Variants in PLXNA1 observed in about 807,000 individuals in gnomAD.
PLXNA1 encodes plexin-A1.
Under a neutral mutation model 191.7 loss-of-function variants are expected in PLXNA1, and 77 were observed. That is an observed-to-expected ratio of 0.40 (90% confidence interval 0.33 to 0.49). The LOEUF (loss-of-function observed/expected upper bound fraction) is 0.49, where lower values mean the gene tolerates loss of function less well. Among genes scored for constraint, PLXNA1 ranks in the 20% least tolerant of loss-of-function variants. The pLI, the probability that PLXNA1 is intolerant of heterozygous loss-of-function variation, is 0.63. For synonymous variants in PLXNA1, 1,137 were observed against 1,156.4 expected, an observed-to-expected ratio of 0.98 and a Z score of 0.34; for missense variants, 2,110 against 2,660.2, an observed-to-expected ratio of 0.79 and a Z score of 4.55.
intron 10 of PLXNA1, 106 bp downstream of exon 10, chr3:127,012,264 G>T (rs111936438): frequency 1.7e-6 from 2 of 1,154,554 alleles, no homozygotes; most frequent in Non-Finnish European, 2.5e-6. Flanking sequence ...CAGTGCACGT[G>T]CTCACGTGTA....
chr3:127,009,983 A>G (rs901773157), intron 9 of PLXNA1, among the ~76,000 whole-genome samples: 3 of 152,094 alleles, frequency 2.0e-5, no homozygotes, highest in Non-Finnish European at 2.9e-5. Context: ...TCTTCACATA[A>G]CAGTTGCATG....
At chr3:126,983,343 G>A (rs1274228677) in intron 1 of PLXNA1, among the ~76,000 whole-genome samples, 56 bp downstream of exon 1, 5 of 144,828 alleles carry the variant, frequency 3.5e-5, no homozygotes, top group African/African-American at 9.9e-5. Flanking sequence ...GGGCCGGGCC[G>A]GGCTGGGGTC....
intron 1 of PLXNA1, among the ~76,000 whole-genome samples, chr3:126,984,620 T>A (rs1576665188): frequency 6.6e-6 from 1 of 151,834 alleles, no homozygotes; most frequent in East Asian, 2.0e-4. Context: ...CTTCCATTCC[T>A]GGGGGGTGCC....
Position 126,989,079 on chromosome 3 carries a change from C to T in PLXNA1, c.486C>T (p.Ser162=), listed in dbSNP as rs775237610. The T allele has an allele frequency of 4.0e-5, 64 of 1,613,290 alleles. No homozygotes were observed. The highest frequency in any genetic ancestry group is 5.1e-5 in the Non-Finnish European group (60 of 1,180,018). Residue 162 remains serine (S), a synonymous_variant, in exon 2 of 32, where the codon AGC becomes AGT. Transcript: ENST00000393409. ...PHHRKEHYLS[S]VQEAGSMAGV... is the part of the protein sequence containing the mutation. ...ACCGTAAGGAGCACTACCTGTCCAG[C>T]GTGCAGGAGGCAGGCAGCATGGCGG...
At position 127,014,711 on chromosome 3, in the gene PLXNA1, G is replaced by A. The variant is rs778093538; in HGVS notation, c.2757G>A (p.Gln919=). The A allele has an allele frequency of 1.1e-5, 17 of 1,611,286 alleles. 1 individual carries two copies. The South Asian group carries it at 1.3e-4, about 12-fold the overall frequency. ...PVESEYISAE[Q]IVCEIGDASS... is the part of the protein sequence containing the mutation. ...GCCCCTGAGGCCCGCCTGCCCACAG[G>A]ATCGTCTGTGAGATCGGGGACGCCA... The change falls in exon 14 of 32, where the codon CAG becomes CAA. Residue 919 remains glutamine, a splice_region_variant and synonymous_variant. Transcript: ENST00000393409.
chr3:127,030,750 G>T (rs868123217), intron 29 of PLXNA1, among the ~76,000 whole-genome samples: 2 of 152,180 alleles, frequency 1.3e-5, no homozygotes, highest in Non-Finnish European at 2.9e-5. Context: ...GCCCCAAGCC[G>T]GCTGGTTGCA....
chr3:127,027,514 G>T, intron 23 of PLXNA1: 1 of 373,910 alleles, frequency 2.7e-6, no homozygotes, highest in South Asian at 2.0e-5. Flanking sequence ...GCCATGGGCG[G>T]TGGGCCATGG....
In PLXNA1 at chr3:127,016,981, GCCA is replaced by G. The variant is rs1404362234; in HGVS notation, c.3222_3224del (p.Thr1075del). ...CCTGACGGTCACAGGCACCAACCTGGCCACTGTCCGTGAACCCCGAATCCGGGC... is the reference window on the plus strand; with the variant it reads ...CCTGACGGTCACAGGCACCAACCTGGCTGTCCGTGAACCCCGAATCCGGGC... On this transcript the variant is annotated inframe_deletion, in exon 17 of 32. Transcript: ENST00000393409. The G allele has an allele frequency of 1.1e-5, 18 of 1,613,340 alleles. No homozygotes were observed. The highest frequency in any genetic ancestry group is 1.4e-5 in the Non-Finnish European group (17 of 1,179,954).
intron 25 of PLXNA1, 165 bp from the exon 26 acceptor site, chr3:127,028,828 C>T: frequency 1.6e-6 from 1 of 609,816 alleles, no homozygotes; most frequent in Non-Finnish European, 2.9e-6. Flanking sequence ...TGGCACATTG[C>T]AGGGGACTAT....
At chr3:127,033,774 G>A in intron 31 of PLXNA1, 148 bp from the exon 32 acceptor site, 2 of 633,504 alleles carry the variant, frequency 3.2e-6, no homozygotes, top group Non-Finnish European at 2.8e-6. Flanking sequence ...TTGGGGTCCT[G>A]GAGGGTCCAG....
intron 28 of PLXNA1, 88 bp downstream of exon 28, chr3:127,030,152 C>A: frequency 1.3e-6 from 2 of 1,587,682 alleles, no homozygotes; most frequent in Non-Finnish European, 1.7e-6. Flanking sequence ...GCCTCACCCC[C>A]ATGCTCCCAT....
chr3:126,988,100 C>G (rs1279857845), intron 1 of PLXNA1, among the ~76,000 whole-genome samples: 1 of 152,118 alleles, frequency 6.6e-6, no homozygotes, highest in Non-Finnish European at 1.5e-5. Flanking sequence ...AGCTGGTGCC[C>G]ACCCTGGGAG....
At chr3:127,009,550 T>TCCCCCCCCCCACC (rs145969147) in intron 9 of PLXNA1, among the ~76,000 whole-genome samples, 36 of 139,564 alleles carry the variant, frequency 2.6e-4, no homozygotes, top group Non-Finnish European at 4.5e-4. Context: ...CCAGTGGCAG[T>TCCCCCCCCCCACC]CCCCCCCCAA....
At position 127,015,086 on chromosome 3, in the gene PLXNA1, G is replaced by A. The variant is rs1298175139; in HGVS notation, c.2878-98G>A. 4 of 1,500,118 alleles carry A rather than the reference G, an allele frequency of 2.7e-6. No homozygotes were observed. In the East Asian group the frequency reaches 6.8e-5, roughly 26 times the overall value. The allele number at this position is 1,500,118 out of a possible 1,614,324, so 92.9% of individuals were successfully genotyped here. On this transcript the variant is annotated intron_variant, in intron 14 of 31. Transcript: ENST00000393409. ...CGGGCATGCGGGCTCCTAGTCTGGG[G>A]AACTGTCTGTGGGGGTAAGCAGGCC...
rs777868612 is a variant in PLXNA1, at chr3:127,022,264, C to T, written c.4218C>T (p.Gly1406=). 1.2e-5 allele frequency: 20 copies of T among 1,613,398 alleles called. No individual in the cohort carries two copies. Among genetic ancestry groups the T allele is most frequent in the South Asian group, 3.3e-5 (3 of 91,078 alleles). The change falls in exon 22 of 32, where the codon GGC becomes GGT. Residue 1406 remains glycine, a synonymous_variant. Coordinates refer to ENST00000393409, the MANE Select transcript of PLXNA1 (RefSeq NM_032242.4). ...AGGGCGAGATGGAATACGCCACAGG[C>T]GTGCTCAAGCAGCTGCTTTCCGACC... ...ALQGEMEYAT[G]VLKQLLSDLI... is the part of the protein sequence containing the mutation.
chr3:126,986,147 G>T (rs1346498346), intron 1 of PLXNA1, among the ~76,000 whole-genome samples: 1 of 152,356 alleles, frequency 6.6e-6, no homozygotes, highest in Non-Finnish European at 1.5e-5. Flanking sequence ...CCAGCCCCTG[G>T]TAATTGCAGG....
chr3:127,032,245 G>A (rs1428812374), intron 29 of PLXNA1, 142 bp from the exon 30 acceptor site: 11 of 777,182 alleles, frequency 1.4e-5, no homozygotes, highest in Non-Finnish European at 2.0e-5. Context: ...TTAACCATGG[G>A]CCCTGCACCT....
At chr3:127,029,344 A>T in intron 26 of PLXNA1, 96 bp from the exon 27 acceptor site, 1 of 1,164,544 alleles carries the variant, frequency 8.6e-7, no homozygotes, top group Non-Finnish European at 1.3e-6. Flanking sequence ...CAGGCACAGC[A>T]CTAGGGTGTC....
In PLXNA1 at chr3:126,991,461, G is replaced by T. The variant is rs756761191; in HGVS notation, c.1272G>T (p.Thr424=). ...PLGGTVTIEG[T]PLFVDKDDGL... ...GGGGCACAGTCACCATTGAGGGGAC[G>T]CCCCTGTTCGTGGACAAGGATGATG... The change falls in exon 3 of 32, where the codon ACG becomes ACT. Residue 424 remains threonine, a synonymous_variant. Coordinates refer to ENST00000393409, the MANE Select transcript of PLXNA1 (RefSeq NM_032242.4). The T allele has an allele frequency of 6.2e-7, 1 of 1,612,820 alleles. No individual in the cohort carries two copies. The highest frequency in any genetic ancestry group is 1.7e-5 in the Admixed American group (1 of 60,002).
Sources: gnomAD v4.1 joint callset for allele counts (sites outside exome capture counted in the v4.1 genomes callset) on GRCh38, gnomAD v4.1.1 for gene constraint, MANE v1.5 for transcripts, NCBI Gene and HGNC (gene_info 2026-07-23, HGNC 2026-07-21) for gene names.